The following REG3G variants were observed in gnomAD, a reference collection of about 807,000 sequenced individuals.
The protein encoded by REG3G is regenerating islet-derived protein 3-gamma.
REG3G carries 19 observed loss-of-function variants against 20.9 expected under a neutral mutation model. The ratio of observed to expected loss-of-function variants is 0.91; its 90% CI spans 0.64 to 1.34. The LOEUF (loss-of-function observed/expected upper bound fraction) is 1.34. Among genes scored for constraint, REG3G ranks in the 40% most tolerant of loss-of-function variants. The pLI, the probability that REG3G is intolerant of heterozygous loss-of-function variation, is 0.00. For synonymous variants in REG3G, 89 were observed against 77.4 expected (o/e 1.15, Z -0.79); for missense variants, 235 against 205.0 (o/e 1.15, Z -0.89).
At position 79,027,819 on chromosome 2, in the gene REG3G, G is replaced by C; in HGVS notation, c.346G>C (p.Asp116His). 6.2e-7 allele frequency: 1 copy of C among 1,614,010 alleles called. No homozygotes were observed. The highest frequency in any genetic ancestry group is 8.5e-7 in the Non-Finnish European group (1 of 1,179,948). Residue 116 changes from aspartate (D) to histidine (H), a missense_variant, in exon 5 of 6, where the codon GAT (aspartate) becomes CAT (histidine). Asp to His is a moderately conservative substitution (Grantham distance 81). Transcript: ENST00000272324. Reference protein sequence around the residue: ...LHDPTQGSEPDGDGWEWSSTD... With the variant: ...LHDPTQGSEPHGDGWEWSSTD... ...CTCTTCTCTATAGGGCTCTGAGCCT[G>C]ATGGAGATGGATGGGAGTGGAGTAG... is the stretch of plus-strand genomic sequence containing the variant.
chr2:79,026,085 G>T lies in REG3G; in HGVS notation c.-9G>T, dbSNP rs771894344. 21 of 1,613,650 alleles carry T rather than the reference G, an allele frequency of 1.3e-5. No homozygotes were observed. The highest frequency in any genetic ancestry group is 2.2e-5 in the South Asian group (2 of 91,086). The stretch of plus-strand genomic sequence containing the variant: ...AGTGACCCGATTGCCTCCTCAAGTC[G>T]CAGACACTATGCTGCCTCCCATGGC... On this transcript the variant is annotated 5_prime_UTR_variant, in exon 2 of 6. Transcript: ENST00000272324.
intron 2 of REG3G, 86 bp downstream of exon 2, chr2:79,026,255 G>A (rs1671617240): frequency 3.0e-6 from 4 of 1,313,996 alleles, no homozygotes; most frequent in South Asian, 2.4e-5. Flanking sequence ...GTCACGTGAG[G>A]TAATGACGTG....
chr2:79,026,118 A>G lies in REG3G; in HGVS notation c.25A>G (p.Ser9Gly), dbSNP rs763761191. The G allele has an allele frequency of 1.2e-6, 2 of 1,613,928 alleles. No homozygotes were observed. Among genetic ancestry groups the G allele is most frequent in the South Asian group, 1.1e-5 (1 of 91,076 alleles). Residue 9 changes from serine (S) to glycine (G), a missense_variant, in exon 2 of 6, where the codon AGT becomes GGT. By Grantham distance (56) the Ser-to-Gly change is moderately conservative. Coordinates refer to ENST00000272324, the MANE Select transcript of REG3G (RefSeq NM_001008387.3). MLPPMALP[S>G]VSWMLLSCLI... ...TATGCTGCCTCCCATGGCCCTGCCC[A>G]GTGTGTCCTGGATGCTGCTTTCCTG... is the stretch of plus-strand genomic sequence containing the variant.
intron 4 of REG3G, 101 bp downstream of exon 4, chr2:79,027,272 CA>C: frequency 8.0e-7 from 1 of 1,253,490 alleles, no homozygotes; most frequent in Non-Finnish European, 1.1e-6. Flanking sequence ...CTTTAGGGAG[CA>C]CTGGAGCTCA....
chr2:79,026,671 C>T lies in REG3G; in HGVS notation c.77-42C>T, dbSNP rs374839046. 9.2e-6 allele frequency: 14 copies of T among 1,526,356 alleles called. No homozygotes were observed. The African/African-American group carries it at 1.8e-4, about 19-fold the overall frequency. The allele number at this position is 1,526,356 out of a possible 1,614,324, so 94.6% of individuals were successfully genotyped here. On this transcript the variant is annotated intron_variant, in intron 2 of 5. Transcript: ENST00000272324. ...TCCCCAAGGTCATCTCCCACCCACC[C>T]CCTACTCTTCATTTTACTCTCTCCC... is the stretch of plus-strand genomic sequence containing the variant.
rs1411805372 is a variant in REG3G, at chr2:79,027,940, A to C, written c.460+7A>C. On this transcript the variant is annotated splice_region_variant and intron_variant, in intron 5 of 5. Transcript: ENST00000272324. The stretch of plus-strand genomic sequence containing the variant: ...AGCCTGTCAAGAAGCACAGGTAAGA[A>C]ACAGAAGAGCTGCCTCTTCCCAGCA... 2 of 1,613,816 alleles carry C rather than the reference A, an allele frequency of 1.2e-6. No homozygotes were observed. Among genetic ancestry groups the C allele is most frequent in the Admixed American group, 3.3e-5 (2 of 60,006 alleles).
Position 79,028,271 on chromosome 2 carries a change from GACT to G in REG3G, c.525_527del (p.Asp175_Ter176delinsGlu). On this transcript the variant is annotated stop_lost and inframe_deletion, in exon 6 of 6. Transcript: ENST00000272324. ...GTTACCCTATGTCTGCAAGTTCAAG[GACT>G]AGGGCAGGTGGGAAGTCAGCAGCCT... 1.9e-6 allele frequency: 3 copies of G among 1,611,360 alleles called. No homozygotes were observed. The highest frequency in any genetic ancestry group is 1.7e-6 in the Non-Finnish European group (2 of 1,177,618).
intron 2 of REG3G, 170 bp from the exon 3 acceptor site, chr2:79,026,543 C>G: frequency 1.6e-6 from 1 of 626,630 alleles, no homozygotes; most frequent in South Asian, 2.0e-5. Flanking sequence ...GATGGTGGCC[C>G]ATTTAGTAGG....
At position 79,028,487 on chromosome 2, in the gene REG3G, A is replaced by C; in HGVS notation, c.*211A>C. The C allele has an allele frequency of 3.9e-6, 2 of 512,906 alleles. No homozygotes were observed. The highest frequency in any genetic ancestry group is 3.0e-5 in the South Asian group (1 of 33,406). The allele number at this position is 512,906 out of a possible 1,614,324, so 31.8% of individuals were successfully genotyped here. ...TTGAGATCTCAGAGAATAATAATAA[A>C]AATGTTACTTTATACGTATATGCTT... On this transcript the variant is annotated 3_prime_UTR_variant, in exon 6 of 6. Transcript: ENST00000272324.
In REG3G at chr2:79,026,752, G is replaced by C; in HGVS notation, c.116G>C (p.Ser39Thr). ...TQKELPSPRI[S>T]CPKGSKAYGS... ...AAGGAACTGCCCTCTCCACGGATCA[G>C]CTGTCCCAAAGGCTCCAAGGCCTAT... Residue 39 changes from serine (S) to threonine (T), a missense_variant, in exon 3 of 6, where the codon AGC becomes ACC. Physicochemically the swap from Ser to Thr is moderately conservative, Grantham distance 58. Coordinates refer to ENST00000272324, the MANE Select transcript of REG3G (RefSeq NM_001008387.3). 6.2e-7 allele frequency: 1 copy of C among 1,613,894 alleles called. No homozygotes were observed. The highest frequency in any genetic ancestry group is 8.5e-7 in the Non-Finnish European group (1 of 1,179,940).
chr2:79,027,750 T>C, intron 4 of REG3G, 57 bp from the exon 5 acceptor site: 3 of 1,608,258 alleles, frequency 1.9e-6, no homozygotes, highest in South Asian at 2.2e-5. Context: ...TCAGGGGCCA[T>C]GCAAAGAGAC....
In REG3G at chr2:79,027,787, C is replaced by T. The variant is rs372738128; in HGVS notation, c.334-20C>T. The T allele has an allele frequency of 5.9e-5, 96 of 1,613,576 alleles. No homozygotes were observed. In the African/African-American group the frequency reaches 1.2e-3, roughly 20 times the overall value. On this transcript the variant is annotated intron_variant, in intron 4 of 5. Coordinates refer to ENST00000272324, the MANE Select transcript of REG3G (RefSeq NM_001008387.3). ...TGCAATGGCCATTTTCTTCACCTGG[C>T]TGCCTCCTCTTCTCTATAGGGCTCT...
rs1573154540 is a variant in REG3G, at chr2:79,027,324, C to T, written c.333+153C>T. 4 of 774,058 alleles carry T rather than the reference C, an allele frequency of 5.2e-6. No individual in the cohort carries two copies. The East Asian group carries it at 1.0e-4, about 20-fold the overall frequency. The allele number at this position is 774,058 out of a possible 1,614,324, so 47.9% of individuals were successfully genotyped here. On this transcript the variant is annotated intron_variant, in intron 4 of 5. Coordinates refer to ENST00000272324, the MANE Select transcript of REG3G (RefSeq NM_001008387.3). Reference sequence around the variant, plus strand: ...TTGGGAGAATAGGAAGTCCATGAGGCAGCTGAAGAGCTGAATTCTACGGAG... The same window carrying T: ...TTGGGAGAATAGGAAGTCCATGAGGTAGCTGAAGAGCTGAATTCTACGGAG...
intron 4 of REG3G, 76 bp downstream of exon 4, chr2:79,027,247 C>A: frequency 1.3e-6 from 2 of 1,499,152 alleles, no homozygotes; most frequent in Non-Finnish European, 1.8e-6. Flanking sequence ...GTCCCCAGTC[C>A]CTGCCCAGGA....
chr2:79,027,382 C>T, intron 4 of REG3G: 2 of 549,054 alleles, frequency 3.6e-6, no homozygotes, highest in Non-Finnish European at 6.4e-6. Flanking sequence ...TAGTCGGACT[C>T]TTGTAAAACT....
rs369558396 is a variant in REG3G, at chr2:79,026,875, A to G, written c.195+44A>G. ...GGTTGGAGGTGATAGGGGAAAGTCC[A>G]TGCAGGTCTCAGGGGGAGGAGGGTC... On this transcript the variant is annotated intron_variant, in intron 3 of 5. Coordinates refer to ENST00000272324, the MANE Select transcript of REG3G (RefSeq NM_001008387.3). The G allele has an allele frequency of 2.0e-5, 13 of 657,514 alleles. 1 individual carries two copies. The highest frequency in any genetic ancestry group is 2.5e-5 in the Non-Finnish European group (13 of 515,344). The allele number at this position is 657,514 out of a possible 1,614,324, so 40.7% of individuals were successfully genotyped here.
At chr2:79,028,014 A>T in intron 5 of REG3G, 81 bp downstream of exon 5, 1 of 1,573,068 alleles carries the variant, frequency 6.4e-7, no homozygotes, top group Non-Finnish European at 8.7e-7. Flanking sequence ...AATCCTTTTC[A>T]GCTAGGTAAT....
intron 2 of REG3G, chr2:79,026,462 C>T: frequency 1.7e-6 from 1 of 596,466 alleles, no homozygotes; most frequent in African/African-American, 1.9e-5. Flanking sequence ...TTGGAGGACC[C>T]AATATAGAGA....
At chr2:79,027,665 G>A in intron 4 of REG3G, 142 bp from the exon 5 acceptor site, 1 of 864,310 alleles carries the variant, frequency 1.2e-6, no homozygotes, top group Non-Finnish European at 1.8e-6. Context: ...AGATTCCAGT[G>A]CAGAGGACTC....
Sources: gnomAD v4.1 joint callset for allele counts on GRCh38, gnomAD v4.1.1 for gene constraint, MANE v1.5 for transcripts, NCBI Gene and HGNC (gene_info 2026-07-23, HGNC 2026-07-21) for gene names.